The following ARHGAP24 variants were observed in gnomAD, a reference collection of about 807,000 sequenced individuals.
ARHGAP24 encodes the protein rho GTPase-activating protein 24.
Under a neutral mutation model 76.4 loss-of-function variants are expected in ARHGAP24, and 50 were observed. The ratio of observed to expected loss-of-function variants is 0.65; its 90% confidence interval spans 0.52 to 0.83. ARHGAP24 has a LOEUF of 0.83. Among genes scored for constraint, ARHGAP24 ranks in the 40% least tolerant of loss-of-function variants. The pLI is 0.00. For missense variants in ARHGAP24, 930 were observed against 914.2 expected (o/e 1.02, Z -0.22); for synonymous variants, 345 against 323.3 (o/e 1.07, Z -0.72).
At chr4:85,665,495 G>A (rs1379037081) in intron 2 of ARHGAP24, among the ~76,000 whole-genome samples, 1 of 152,080 alleles carries the variant, frequency 6.6e-6, no homozygotes, top group African/African-American at 2.4e-5. Flanking sequence ...CTTTTAATTG[G>A]AGCATTTAGT....
intron 1 of ARHGAP24, among the ~76,000 whole-genome samples, chr4:85,557,275 G>A (rs1214529438): frequency 2.6e-5 from 4 of 152,126 alleles, no homozygotes; most frequent in Non-Finnish European, 5.9e-5. Flanking sequence ...TTCCTTTCCT[G>A]CAGGCATGTG....
chr4:85,827,796 C>T (rs1035439367), intron 3 of ARHGAP24: 3 of 670,514 alleles, frequency 4.5e-6, no homozygotes, highest in Non-Finnish European at 6.7e-6. Flanking sequence ...GGGAGCGAGC[C>T]GTGGTTTCCA....
chr4:85,508,509 G>A (rs181256222), intron 1 of ARHGAP24, among the ~76,000 whole-genome samples: 166 of 152,162 alleles, frequency 1.1e-3, no homozygotes, highest in African/African-American at 3.9e-3. Flanking sequence ...CAAAAAGACC[G>A]AGTTTTGTCA....
At chr4:85,793,920 C>T (rs551441287) in intron 3 of ARHGAP24, among the ~76,000 whole-genome samples, 1 of 152,260 alleles carries the variant, frequency 6.6e-6, no homozygotes, top group South Asian at 2.1e-4. Flanking sequence ...AGAGAATTTA[C>T]TAAGGCATCA....
chr4:86,000,904 A>G lies in ARHGAP24; in HGVS notation c.*182A>G, dbSNP rs1740984626. The G allele has an allele frequency of 1.2e-6, 1 of 855,388 alleles. No homozygotes were observed. Among genetic ancestry groups the G allele is most frequent in the African/African-American group, 1.7e-5 (1 of 58,846 alleles). The allele number at this position is 855,388 out of a possible 1,614,324, so 53.0% of individuals were successfully genotyped here. A position where few individuals can be genotyped will look rare whatever the true frequency, so the allele number is the denominator to read the frequency against. On this transcript the variant is annotated 3_prime_UTR_variant, in exon 10 of 10. Coordinates refer to ENST00000395184, the MANE Select transcript of ARHGAP24 (RefSeq NM_001025616.3). Reference sequence around the variant, plus strand: ...GTGTACCAAAGTTATATCATGCCCCATAATGCTACTGTCAAGTGTTACAAC... The same window carrying G: ...GTGTACCAAAGTTATATCATGCCCCGTAATGCTACTGTCAAGTGTTACAAC...
At chr4:85,477,772 C>G (rs1288924187) in intron 1 of ARHGAP24, among the ~76,000 whole-genome samples, 1 of 152,158 alleles carries the variant, frequency 6.6e-6, no homozygotes, top group East Asian at 1.9e-4. Flanking sequence ...TGTTTTCTTT[C>G]CGGCTCGATT....
At chr4:85,860,682 T>C (rs1297876287) in intron 3 of ARHGAP24, among the ~76,000 whole-genome samples, 1 of 152,056 alleles carries the variant, frequency 6.6e-6, no homozygotes, top group Non-Finnish European at 1.5e-5. Context: ...CCAGGTGCAA[T>C]ACAAAATAAT....
At position 85,750,485 on chromosome 4, in the gene ARHGAP24, CTTTTTTTTTTTTTT is replaced by C. The variant is rs60635375; in HGVS notation, c.268+28530_268+28543del. Among the ~76,000 whole-genome samples the C allele has an allele frequency of 8.1e-5, 5 of 61,640 alleles. No homozygotes were observed. In the East Asian group the frequency reaches 1.6e-3, roughly 20 times the overall value. 40.4% of individuals were successfully genotyped at this position (61,640 alleles called of 152,430 possible). The stretch of plus-strand genomic sequence containing the variant: ...GGGATTAACATGACTCTTTTCATTC[CTTTTTTTTTTTTTT>C]TTTTTTTTTTTTTTTTGAGACAGTC... On this transcript the variant is annotated intron_variant, in intron 3 of 9. Transcript: ENST00000395184.
intron 3 of ARHGAP24, among the ~76,000 whole-genome samples, chr4:85,728,826 C>G (rs1166069290): frequency 6.6e-6 from 1 of 152,194 alleles, no homozygotes; most frequent in East Asian, 1.9e-4. Context: ...GTTTACCATA[C>G]ATGTCTGCAT....
chr4:85,696,632 C>CT (rs1723875781), intron 2 of ARHGAP24, among the ~76,000 whole-genome samples: 1 of 152,120 alleles, frequency 6.6e-6, no homozygotes. Flanking sequence ...TGTTATACAT[C>CT]TTAAGTTTTA....
intron 3 of ARHGAP24, among the ~76,000 whole-genome samples, chr4:85,840,655 A>C (rs185402616): frequency 6.6e-6 from 1 of 152,328 alleles, no homozygotes; most frequent in Admixed American, 6.5e-5. Context: ...AAGTGTGAAT[A>C]CTTTTAGAGA....
At chr4:85,668,647 C>T (rs1722720027) in intron 2 of ARHGAP24, among the ~76,000 whole-genome samples, 1 of 152,014 alleles carries the variant, frequency 6.6e-6, no homozygotes, top group South Asian at 2.1e-4. Flanking sequence ...AAGAGCCTGG[C>T]TTTTTTAACA....
At chr4:85,930,070 G>A (rs549089424) in intron 4 of ARHGAP24, among the ~76,000 whole-genome samples, 21 of 152,278 alleles carry the variant, frequency 1.4e-4, no homozygotes, top group Admixed American at 2.6e-4. Flanking sequence ...GAATGTGACC[G>A]GCGGGCACTG....
chr4:85,597,987 A>G (rs914414186), intron 2 of ARHGAP24, among the ~76,000 whole-genome samples: 1 of 152,138 alleles, frequency 6.6e-6, no homozygotes, highest in African/African-American at 2.4e-5. Context: ...CACTTGGGAC[A>G]TTATCAAATG....
chr4:85,896,442 A>T (rs1734183746), intron 3 of ARHGAP24, among the ~76,000 whole-genome samples: 1 of 152,198 alleles, frequency 6.6e-6, no homozygotes, highest in African/African-American at 2.4e-5. Context: ...CCATGCTGGG[A>T]ATCCTAGCCT....
chr4:85,502,359 G>T lies in ARHGAP24; in HGVS notation c.-21+26800G>T, dbSNP rs1302299607. ...ATTGATTCTTCCTATCCATGAGCAT[G>T]GAATGTTCTTCCATTTGTTTGTGTC... On this transcript the variant is annotated intron_variant, in intron 1 of 9. Coordinates refer to ENST00000395184, the MANE Select transcript of ARHGAP24 (RefSeq NM_001025616.3). Among the ~76,000 whole-genome samples the T allele has an allele frequency of 2.0e-5, 3 of 152,136 alleles. No individual in the cohort carries two copies. The East Asian group carries it at 5.8e-4, about 29-fold the overall frequency.
At chr4:85,839,854 T>C (rs1319671359) in intron 3 of ARHGAP24, among the ~76,000 whole-genome samples, 5 of 132,534 alleles carry the variant, frequency 3.8e-5, no homozygotes, top group East Asian at 2.1e-4. Flanking sequence ...TTTTTTTTTT[T>C]TTTTTTTTTT....
chr4:85,631,679 T>A (rs1436599846), intron 2 of ARHGAP24, among the ~76,000 whole-genome samples: 1 of 152,126 alleles, frequency 6.6e-6, no homozygotes, highest in African/African-American at 2.4e-5. Context: ...TTACTCAATT[T>A]ACTTTTTCAA....
intron 2 of ARHGAP24, among the ~76,000 whole-genome samples, chr4:85,688,103 G>T (rs1219488050): frequency 6.6e-6 from 1 of 152,126 alleles, no homozygotes; most frequent in South Asian, 2.1e-4. Context: ...GTGAGCCACC[G>T]CACCTGGCCG....
Sources: gnomAD v4.1 joint callset for allele counts (sites outside exome capture counted in the v4.1 genomes callset) on GRCh38, gnomAD v4.1.1 for gene constraint, MANE v1.5 for transcripts, NCBI Gene and HGNC (gene_info 2026-07-23, HGNC 2026-07-21) for gene names.